Variants in CNTNAP5 observed in about 807,000 individuals in gnomAD.
The protein encoded by CNTNAP5 is contactin associated protein family member 5.
Under a neutral mutation model 150.2 loss-of-function variants are expected in CNTNAP5, and 72 were observed. That is an observed-to-expected ratio of 0.48 (90% CI 0.40 to 0.58). The LOEUF (loss-of-function observed/expected upper bound fraction) is 0.58, where lower values mean the gene tolerates loss of function less well. Among genes scored for constraint, CNTNAP5 ranks in the 20% least tolerant of loss-of-function variants. The probability of loss-of-function intolerance (pLI) is 0.00; values close to 1 mark genes in which losing one functional copy is unlikely to be tolerated. For missense variants in CNTNAP5, 1,636 were observed against 1,626.2 expected (o/e 1.01, Z -0.10); for synonymous variants, 672 against 619.8 (o/e 1.08, Z -1.25).
chr2:124,451,350 G>A (rs77182899), intron 6 of CNTNAP5, among the ~76,000 whole-genome samples: 19,927 of 151,368 alleles, frequency 0.13, 1,673 homozygotes, highest in Non-Finnish European at 0.19. Context: ...TTTTTTAAAC[G>A]TAAGAGTGCT....
intron 1 of CNTNAP5, among the ~76,000 whole-genome samples, chr2:124,111,389 G>A (rs752273798): frequency 6.6e-6 from 1 of 152,150 alleles, no homozygotes; most frequent in Non-Finnish European, 1.5e-5. Context: ...GCTATGATAC[G>A]GTGGGTGGGT....
chr2:124,052,080 T>C (rs1009148513), intron 1 of CNTNAP5, among the ~76,000 whole-genome samples: 7 of 152,144 alleles, frequency 4.6e-5, no homozygotes, highest in African/African-American at 1.4e-4. Context: ...TGCATCTGGA[T>C]TGTGACAGGT....
chr2:124,517,340 T>C (rs775686990), intron 8 of CNTNAP5, among the ~76,000 whole-genome samples: 1 of 149,904 alleles, frequency 6.7e-6, no homozygotes, highest in African/African-American at 2.5e-5. Context: ...GTGTTGATGA[T>C]GGAGGGTTAT....
intron 1 of CNTNAP5, among the ~76,000 whole-genome samples, chr2:124,122,643 C>T (rs1211557314): frequency 1.3e-5 from 2 of 152,116 alleles, no homozygotes; most frequent in Non-Finnish European, 2.9e-5. Context: ...AGGCACAAGT[C>T]ACAGAGCTTC....
intron 1 of CNTNAP5, among the ~76,000 whole-genome samples, chr2:124,136,107 G>C (rs1255106278): frequency 6.6e-6 from 1 of 152,126 alleles, no homozygotes; most frequent in Non-Finnish European, 1.5e-5. Flanking sequence ...CAATTAAATA[G>C]AGACACCTAT....
At chr2:124,599,438 A>G (rs1696928581) in intron 11 of CNTNAP5, among the ~76,000 whole-genome samples, 1 of 152,112 alleles carries the variant, frequency 6.6e-6, no homozygotes, top group Non-Finnish European at 1.5e-5. Flanking sequence ...ATGTAATTTT[A>G]AAATACGTTA....
intron 11 of CNTNAP5, among the ~76,000 whole-genome samples, chr2:124,574,988 G>C (rs1696246585): frequency 6.6e-6 from 1 of 152,174 alleles, no homozygotes; most frequent in African/African-American, 2.4e-5. Flanking sequence ...ATAAATTCAT[G>C]AATCAATGGG....
chr2:124,824,496 T>G (rs314703), intron 19 of CNTNAP5, among the ~76,000 whole-genome samples: 131,666 of 152,104 alleles, frequency 0.87, 57,484 homozygotes, highest in African/African-American at 0.97. Flanking sequence ...TTAGCCAGAA[T>G]CTCACTCTGA....
chr2:124,312,778 G>A (rs935129201), intron 3 of CNTNAP5, among the ~76,000 whole-genome samples: 1 of 152,172 alleles, frequency 6.6e-6, no homozygotes, highest in African/African-American at 2.4e-5. Flanking sequence ...CACCATGTTA[G>A]CCAGGATGGT....
chr2:124,315,361 A>G (rs1688937464), intron 3 of CNTNAP5, among the ~76,000 whole-genome samples: 1 of 152,080 alleles, frequency 6.6e-6, no homozygotes, highest in African/African-American at 2.4e-5. Flanking sequence ...AATATGTAAA[A>G]TTTGAAGGCT....
chr2:124,277,516 T>G (rs1425002203), intron 3 of CNTNAP5, among the ~76,000 whole-genome samples: 1 of 152,156 alleles, frequency 6.6e-6, no homozygotes, highest in Non-Finnish European at 1.5e-5. Flanking sequence ...AACCCCAACA[T>G]GTATTTCTTT....
intron 13 of CNTNAP5, among the ~76,000 whole-genome samples, chr2:124,734,496 T>C (rs1422920833): frequency 1.3e-5 from 2 of 151,992 alleles, no homozygotes; most frequent in East Asian, 3.9e-4. Flanking sequence ...GAATGGGGGC[T>C]AGCGAAGAAA....
chr2:124,193,959 C>G (rs1685516215), intron 1 of CNTNAP5, among the ~76,000 whole-genome samples: 1 of 152,094 alleles, frequency 6.6e-6, no homozygotes, highest in Admixed American at 6.6e-5. Context: ...CGGGTGTGAG[C>G]TGGTTTTATT....
intron 3 of CNTNAP5, among the ~76,000 whole-genome samples, chr2:124,348,004 T>C (rs1274449322): frequency 6.6e-6 from 1 of 151,988 alleles, no homozygotes; most frequent in East Asian, 1.9e-4. Flanking sequence ...ATTTTTTTGG[T>C]ATTTTTTAGT....
chr2:124,707,144 GAAGAAGAAGAA>G (rs1679698880), intron 13 of CNTNAP5, among the ~76,000 whole-genome samples: 1 of 30,924 alleles, frequency 3.2e-5, no homozygotes, highest in East Asian at 7.9e-3. Flanking sequence ...AGAAGAGGAA[GAAGAAGAAGAA>G]GAAGAAGAAG....
chr2:124,332,614 C>G (rs1266701787), intron 3 of CNTNAP5, among the ~76,000 whole-genome samples: 1 of 151,546 alleles, frequency 6.6e-6, no homozygotes, highest in Non-Finnish European at 1.5e-5. Context: ...TCAATGAACA[C>G]TCATTTAATT....
intron 23 of CNTNAP5, among the ~76,000 whole-genome samples, chr2:124,913,043 TA>T (rs200939175): frequency 2.0e-5 from 3 of 151,902 alleles, no homozygotes; most frequent in South Asian, 2.1e-4. Flanking sequence ...GCCTCAGTTC[TA>T]AAAAAAATTG....
intron 12 of CNTNAP5, among the ~76,000 whole-genome samples, chr2:124,619,374 C>T (rs1008797805): frequency 6.6e-6 from 1 of 152,060 alleles, no homozygotes; most frequent in Admixed American, 6.5e-5. Flanking sequence ...GAGCAGGTCA[C>T]AGTAACTAAT....
At chr2:124,764,253 C>A in intron 16 of CNTNAP5, 106 bp downstream of exon 16, 2 of 812,066 alleles carry the variant, frequency 2.5e-6, no homozygotes, top group East Asian at 2.5e-5. Flanking sequence ...AAATTAATCT[C>A]ACTGGACATC....
Sources: allele counts gnomAD v4.1 joint callset (sites outside exome capture counted in the v4.1 genomes callset), GRCh38; gene constraint gnomAD v4.1.1; transcripts MANE v1.5; gene names NCBI Gene and HGNC (gene_info 2026-07-23, HGNC 2026-07-21).